Variants in MAP3K5 observed in about 807,000 individuals in gnomAD.
The protein encoded by MAP3K5 is ASK-1.
Under a neutral mutation model 158.7 loss-of-function variants are expected in MAP3K5, and 56 were observed. The observed-to-expected ratio is 0.35, with a 90% CI of 0.28 to 0.44. The LOEUF (loss-of-function observed/expected upper bound fraction) is 0.44. Ranked by LOEUF, MAP3K5 falls within the 20% of genes least tolerant of loss-of-function variation. The pLI is 1.00. For synonymous variants in MAP3K5, 579 were observed against 601.7 expected, an observed-to-expected ratio of 0.96 and a Z score of 0.55; for missense variants, 1,294 against 1,674.8, an observed-to-expected ratio of 0.77 and a Z score of 3.97.
chr6:136,557,262 C>T lies in MAP3K5; in HGVS notation c.*496G>A, dbSNP rs992458674. 1.3e-5 allele frequency: 2 copies of T among 154,384 alleles called. No homozygotes were observed. The highest frequency in any genetic ancestry group is 1.9e-4 in the East Asian group (1 of 5,188). 9.6% of individuals were successfully genotyped at this position (154,384 alleles called of 1,614,324 possible). A position where few individuals can be genotyped will look rare whatever the true frequency, so the allele number is the denominator to read the frequency against. ...AAGTAAAAACCATTGCTCTCAGATT[C>T]TGCACACTTAAAAAAACATAAACTT... On this transcript the variant is annotated 3_prime_UTR_variant, in exon 30 of 30. Coordinates refer to ENST00000359015, the MANE Select transcript of MAP3K5 (RefSeq NM_005923.4).
chr6:136,571,115 G>A (rs978627328), intron 25 of MAP3K5, among the ~76,000 whole-genome samples: 9 of 151,992 alleles, frequency 5.9e-5, no homozygotes, highest in African/African-American at 2.2e-4. Flanking sequence ...ACCTCCCATG[G>A]ACCAATCAGC....
At chr6:136,688,446 G>T (rs776725746) in intron 7 of MAP3K5, among the ~76,000 whole-genome samples, 2 of 151,990 alleles carry the variant, frequency 1.3e-5, no homozygotes, top group African/African-American at 4.8e-5. Flanking sequence ...AGAAATCTTT[G>T]AGCTCTAACA....
chr6:136,761,560 T>C (rs1390614623), intron 1 of MAP3K5, among the ~76,000 whole-genome samples: 6 of 151,260 alleles, frequency 4.0e-5, no homozygotes, highest in African/African-American at 1.2e-4. Flanking sequence ...AAGGGGAAAA[T>C]GGGAAAATAA....
At position 136,611,129 on chromosome 6, in the gene MAP3K5, A is replaced by AAAAAAAAAAAAG. The variant is rs1776321275; in HGVS notation, c.2521+152_2521+153insCTTTTTTTTTTT. On this transcript the variant is annotated intron_variant, in intron 18 of 29. Coordinates refer to ENST00000359015, the MANE Select transcript of MAP3K5 (RefSeq NM_005923.4). Reference sequence around the variant, plus strand: ...TCTCAAAAAAAAAAAAAAAAAAAAAAAAAAAGAAAGAAAAGAAAAGAAAAG... The same window carrying AAAAAAAAAAAAG: ...TCTCAAAAAAAAAAAAAAAAAAAAAAAAAAAAAAAAAGAAAAAGAAAGAAAAGAAAAGAAAAG... Among the ~76,000 whole-genome samples, 5 of 150,146 alleles carry AAAAAAAAAAAAG rather than the reference A, an allele frequency of 3.3e-5. No individual in the cohort carries two copies. The Admixed American group carries it at 3.3e-4, about 10-fold the overall frequency.
chr6:136,694,554 AT>A (rs1780521033), intron 6 of MAP3K5, among the ~76,000 whole-genome samples: 1 of 152,162 alleles, frequency 6.6e-6, no homozygotes, highest in African/African-American at 2.4e-5. Flanking sequence ...ATGGTGATGG[AT>A]TTGTACTTAC....
intron 2 of MAP3K5, among the ~76,000 whole-genome samples, chr6:136,707,218 T>G (rs913724839): frequency 1.3e-5 from 2 of 152,208 alleles, no homozygotes; most frequent in African/African-American, 4.8e-5. Context: ...AAAAGGGACA[T>G]GTACACATTT....
At chr6:136,643,053 A>G (rs1778063602) in intron 11 of MAP3K5, among the ~76,000 whole-genome samples, 1 of 152,114 alleles carries the variant, frequency 6.6e-6, no homozygotes, top group South Asian at 2.1e-4. Flanking sequence ...AACTAGTAGA[A>G]CAAGAATGTA....
At chr6:136,762,197 A>C (rs997713956) in intron 1 of MAP3K5, among the ~76,000 whole-genome samples, 2 of 152,196 alleles carry the variant, frequency 1.3e-5, no homozygotes, top group African/African-American at 4.8e-5. Context: ...CCTGATGCCC[A>C]GCCAGGGAAA....
chr6:136,643,841 G>A (rs1778110303), intron 11 of MAP3K5, among the ~76,000 whole-genome samples: 1 of 152,144 alleles, frequency 6.6e-6, no homozygotes, highest in African/African-American at 2.4e-5. Flanking sequence ...GCAGACTGCA[G>A]CCTCAGCTGG....
Position 136,601,993 on chromosome 6 carries a change from A to G in MAP3K5, c.2680-14T>C. 1.2e-6 allele frequency: 2 copies of G among 1,608,636 alleles called. No individual in the cohort carries two copies. The highest frequency in any genetic ancestry group is 1.7e-6 in the Non-Finnish European group (2 of 1,177,358). On this transcript the variant is annotated splice_polypyrimidine_tract_variant and intron_variant, in intron 19 of 29. Transcript: ENST00000359015. ...AAACATTCCCACCTAAGACATAAAT[A>G]TAAAAAGTGCAATGTGCCTTCTGAG...
chr6:136,593,746 G>A (rs1463918543), intron 21 of MAP3K5: 1 of 393,672 alleles, frequency 2.5e-6, no homozygotes, highest in East Asian at 7.4e-5. Context: ...AGTGGTTTTT[G>A]CCAGAAACAT....
At chr6:136,718,820 A>G (rs1035922807) in intron 2 of MAP3K5, among the ~76,000 whole-genome samples, 1 of 152,212 alleles carries the variant, frequency 6.6e-6, no homozygotes, top group Non-Finnish European at 1.5e-5. Context: ...CAGGAGCAAG[A>G]GCAAAAAAAT....
At chr6:136,742,016 A>G (rs1782729488) in intron 1 of MAP3K5, among the ~76,000 whole-genome samples, 1 of 152,186 alleles carries the variant, frequency 6.6e-6, no homozygotes, top group African/African-American at 2.4e-5. Flanking sequence ...AAATTGAGAG[A>G]TATTCCATGT....
At chr6:136,645,229 G>A (rs996105930) in intron 11 of MAP3K5, among the ~76,000 whole-genome samples, 1 of 152,126 alleles carries the variant, frequency 6.6e-6, no homozygotes, top group Non-Finnish European at 1.5e-5. Context: ...CACCATGCTC[G>A]GCCTGTAATT....
chr6:136,703,177 CT>C (rs1050578559), intron 3 of MAP3K5, among the ~76,000 whole-genome samples: 1 of 152,154 alleles, frequency 6.6e-6, no homozygotes, highest in African/African-American at 2.4e-5. Context: ...AAATATTCAA[CT>C]TTTTATAAGG....
chr6:136,654,806 C>G (rs1778673629), intron 10 of MAP3K5, among the ~76,000 whole-genome samples: 1 of 151,996 alleles, frequency 6.6e-6, no homozygotes, highest in Admixed American at 6.6e-5. Context: ...GGCAAATTGA[C>G]AATTTTGCAC....
chr6:136,665,957 T>A (rs1779212964), intron 8 of MAP3K5, among the ~76,000 whole-genome samples: 1 of 152,218 alleles, frequency 6.6e-6, no homozygotes, highest in Non-Finnish European at 1.5e-5. Flanking sequence ...TACTGTATCA[T>A]CATTACTGTT....
At chr6:136,757,579 A>ATTTATTT (rs1562679137) in intron 1 of MAP3K5, among the ~76,000 whole-genome samples, 15 of 111,966 alleles carry the variant, frequency 1.3e-4, no homozygotes, top group East Asian at 5.9e-4. Flanking sequence ...TTATTTATTT[A>ATTTATTT]TTTTTTATTT....
chr6:136,562,953 T>C (rs1322702564), intron 26 of MAP3K5, among the ~76,000 whole-genome samples: 1 of 151,310 alleles, frequency 6.6e-6, no homozygotes, highest in East Asian at 2.0e-4. Flanking sequence ...TCTGGGATTA[T>C]AGGTGTGTGC....
Sources: allele counts gnomAD v4.1 joint callset (sites outside exome capture counted in the v4.1 genomes callset), GRCh38; gene constraint gnomAD v4.1.1; transcripts MANE v1.5; gene names NCBI Gene and HGNC (gene_info 2026-07-23, HGNC 2026-07-21).